The following GANC variants were observed in gnomAD, a reference collection of about 807,000 sequenced individuals.
GANC encodes neutral alpha-glucosidase C.
A neutral mutation model predicts 124.2 loss-of-function variants in GANC; 117 were observed. That is an observed-to-expected ratio of 0.94 (90% CI 0.81 to 1.10). The LOEUF is 1.10. GANC is among the 50% of genes least tolerant of loss of function. The pLI is 0.00. For missense variants in GANC, 1,140 were observed against 1,095.0 expected, an observed-to-expected ratio of 1.04 and a Z score of -0.58; for synonymous variants, 377 against 376.8, an observed-to-expected ratio of 1.00 and a Z score of -0.01.
At chr15:42,292,697 A>G (rs757390205) in intron 4 of GANC, 38 bp from the exon 5 acceptor site, 3 of 1,598,628 alleles carry the variant, frequency 1.9e-6, no homozygotes, top group Admixed American at 3.4e-5. Flanking sequence ...ATGTAAACCT[A>G]TAGCAGCTTG....
rs1016504879 is a variant in GANC at position 42,278,690 on chromosome 15, G to C, written c.201+100G>C. The stretch of plus-strand genomic sequence containing the variant: ...TATGTATGCTTCAAAAATAAACCTC[G>C]TTAGAAAAGGAATATCAGCCTTTTA... On this transcript the variant is annotated intron_variant, in intron 3 of 23. Coordinates refer to ENST00000318010, the MANE Select transcript of GANC (RefSeq NM_198141.3). 3.8e-6 allele frequency: 3 copies of C among 784,484 alleles called. No homozygotes were observed. In the East Asian group the frequency reaches 8.7e-5, roughly 23 times the overall value. 48.6% of individuals were successfully genotyped at this position (784,484 alleles called of 1,614,324 possible).
intron 9 of GANC, 30 bp from the exon 10 acceptor site, chr15:42,310,663 T>A: frequency 6.3e-7 from 1 of 1,596,662 alleles, no homozygotes; most frequent in South Asian, 1.1e-5. Context: ...GAGGGAAATT[T>A]CTCAAATTTT....
At chr15:42,308,074 G>A in intron 7 of GANC, 148 bp from the exon 8 acceptor site, 1 of 521,768 alleles carries the variant, frequency 1.9e-6, no homozygotes, top group Non-Finnish European at 3.5e-6. Flanking sequence ...TCTCACAGAG[G>A]GTCAGTACAC....
intron 11 of GANC, among the ~76,000 whole-genome samples, chr15:42,322,544 C>T (rs943100811): frequency 1.1e-4 from 16 of 152,116 alleles, no homozygotes; most frequent in Non-Finnish European, 2.4e-4. Context: ...TTTGAACCCC[C>T]TGCTGGCACC....
Position 42,310,406 on chromosome 15 carries a change from T to A in GANC, c.846T>A (p.Ile282=), listed in dbSNP as rs2052039318. The change falls in exon 9 of 24, where the codon ATT becomes ATA. Residue 282 remains isoleucine, a synonymous_variant. Coordinates refer to ENST00000318010, the MANE Select transcript of GANC (RefSeq NM_198141.3). Reference sequence around the variant, plus strand: ...ACAAACTGGGCAGAACTATAGGTATTTTCTGGCTGAATGCCTCGGAAACAC... The same window carrying A: ...ACAAACTGGGCAGAACTATAGGTATATTCTGGCTGAATGCCTCGGAAACAC... The part of the protein sequence containing the change: ...LAHKLGRTIG[I]FWLNASETLV... The A allele has an allele frequency of 1.2e-6, 2 of 1,613,830 alleles. No individual in the cohort carries two copies. The highest frequency in any genetic ancestry group is 1.7e-6 in the Non-Finnish European group (2 of 1,179,834).
intron 6 of GANC, among the ~76,000 whole-genome samples, chr15:42,299,556 A>C (rs767871215): frequency 6.6e-6 from 1 of 152,202 alleles, no homozygotes; most frequent in Non-Finnish European, 1.5e-5. Context: ...ATTCAATGCT[A>C]TTCCCATCAA....
At chr15:42,293,683 T>C (rs1438763868) in intron 5 of GANC, among the ~76,000 whole-genome samples, 3 of 151,744 alleles carry the variant, frequency 2.0e-5, no homozygotes, top group African/African-American at 7.3e-5. Context: ...AATAGTCAAG[T>C]ACTTGTTTAA....
intron 6 of GANC, among the ~76,000 whole-genome samples, chr15:42,305,878 G>T (rs2141040352): frequency 6.6e-6 from 1 of 152,010 alleles, no homozygotes; most frequent in African/African-American, 2.4e-5. Context: ...TCACTCATAA[G>T]TGGGAGTTGA....
chr15:42,338,334 A>G (rs2052299723), intron 15 of GANC, 55 bp from the exon 16 acceptor site: 1 of 1,225,226 alleles, frequency 8.2e-7, no homozygotes. Context: ...CTACATAGGA[A>G]ATTGAACGCA....
intron 10 of GANC, among the ~76,000 whole-genome samples, chr15:42,313,126 C>T (rs901013237): frequency 2.6e-5 from 4 of 152,008 alleles, no homozygotes; most frequent in Admixed American, 1.3e-4. Flanking sequence ...CATGACCATT[C>T]GATGAAGAAG....
chr15:42,309,805 G>T (rs1308894564), intron 8 of GANC, among the ~76,000 whole-genome samples: 1 of 151,912 alleles, frequency 6.6e-6, no homozygotes, highest in Non-Finnish European at 1.5e-5. Flanking sequence ...GATCACTTGA[G>T]GTCAGGAGTT....
At chr15:42,296,542 A>G (rs993154305) in intron 5 of GANC, among the ~76,000 whole-genome samples, 2 of 151,996 alleles carry the variant, frequency 1.3e-5, no homozygotes, top group Non-Finnish European at 2.9e-5. Flanking sequence ...ACAGGTGCCC[A>G]CCACCACGTC....
chr15:42,337,928 G>C (rs1426331558), intron 15 of GANC, among the ~76,000 whole-genome samples: 1 of 152,052 alleles, frequency 6.6e-6, no homozygotes, highest in African/African-American at 2.4e-5. Context: ...AGGAGTGATG[G>C]TGCACACTTG....
chr15:42,303,670 G>GGAAAA (rs377648385), intron 6 of GANC, among the ~76,000 whole-genome samples: 4 of 128,576 alleles, frequency 3.1e-5, no homozygotes, highest in Admixed American at 8.4e-5. Context: ...TATTTACCAA[G>GGAAAA]AAAAAAAAAA....
Position 42,352,155 on chromosome 15 carries a change from G to C in GANC, c.*16G>C. ...CATCATATGACAAAGAACTGCCCCT[G>C]GTGATGTGAGCAGGGACCTGCCTGC... On this transcript the variant is annotated 3_prime_UTR_variant, in exon 24 of 24. Transcript: ENST00000318010. The C allele has an allele frequency of 6.2e-7, 1 of 1,613,960 alleles. No homozygotes were observed. The highest frequency in any genetic ancestry group is 8.5e-7 in the Non-Finnish European group (1 of 1,179,956).
At chr15:42,318,898 G>T (rs2141054033) in intron 10 of GANC, among the ~76,000 whole-genome samples, 1 of 152,244 alleles carries the variant, frequency 6.6e-6, no homozygotes. Flanking sequence ...CTGGCCCTAG[G>T]TCTTTTAAAA....
intron 10 of GANC, chr15:42,314,559 A>G (rs1307097621): frequency 4.3e-6 from 1 of 232,450 alleles, no homozygotes; most frequent in East Asian, 1.2e-4. Flanking sequence ...AGACACTAAA[A>G]TCACACTGAC....
At chr15:42,285,093 C>G (rs1002170145) in intron 3 of GANC, among the ~76,000 whole-genome samples, 1 of 152,136 alleles carries the variant, frequency 6.6e-6, no homozygotes, top group Non-Finnish European at 1.5e-5. Context: ...CCAGCAGGTC[C>G]TAGCAAATAG....
chr15:42,323,210 A>C (rs1464333013), intron 11 of GANC, among the ~76,000 whole-genome samples: 2 of 152,206 alleles, frequency 1.3e-5, no homozygotes, highest in African/African-American at 2.4e-5. Context: ...GCATGGCAAG[A>C]ATATGAACCA....
Sources: gnomAD v4.1 joint callset for allele counts (sites outside exome capture counted in the v4.1 genomes callset) on GRCh38, gnomAD v4.1.1 for gene constraint, MANE v1.5 for transcripts, NCBI Gene and HGNC (gene_info 2026-07-23, HGNC 2026-07-21) for gene names.